The following HOMER2 variants were observed in gnomAD, a reference collection of about 807,000 sequenced individuals.
The protein encoded by HOMER2 is homer protein homolog 2.
A neutral mutation model predicts 47.0 loss-of-function variants in HOMER2; 27 were observed. The ratio of observed to expected loss-of-function variants is 0.57; its 90% confidence interval spans 0.42 to 0.79. HOMER2 has a LOEUF of 0.79. Ranked by LOEUF, HOMER2 falls within the 30% of genes least tolerant of loss-of-function variation. HOMER2 has a pLI of 0.00. For missense variants in HOMER2, 443 were observed against 435.0 expected, an observed-to-expected ratio of 1.02 and a Z score of -0.16; for synonymous variants, 161 against 163.8, an observed-to-expected ratio of 0.98 and a Z score of 0.13.
chr15:82,944,834 G>A (rs1355799134), intron 1 of HOMER2, among the ~76,000 whole-genome samples: 1 of 151,954 alleles, frequency 6.6e-6, no homozygotes, highest in Non-Finnish European at 1.5e-5. Context: ...TGGCTCACTG[G>A]GGGAATTCTC....
intron 1 of HOMER2, among the ~76,000 whole-genome samples, chr15:82,931,836 TCAAAAAACAAAACAAAACAAA>T (rs1397713291): frequency 6.6e-6 from 1 of 151,930 alleles, no homozygotes; most frequent in Non-Finnish European, 1.5e-5. Context: ...AGACTCCGTC[TCAAAAAACAAAACAAAACAAA>T]ACAAAACAAA....
chr15:82,963,406 A>G (rs2054647807), intron 1 of HOMER2, among the ~76,000 whole-genome samples: 1 of 152,120 alleles, frequency 6.6e-6, no homozygotes. Context: ...CTCTTCTGAA[A>G]TGACATGGAC....
At chr15:82,851,012 T>A in intron 8 of HOMER2, 139 bp downstream of exon 8, 2 of 665,504 alleles carry the variant, frequency 3.0e-6, no homozygotes, top group Non-Finnish European at 5.3e-6. Flanking sequence ...TGGCGTGCAG[T>A]CACTGCCAGC....
At chr15:82,857,388 A>C (rs2151617027) in intron 5 of HOMER2, among the ~76,000 whole-genome samples, 2 of 147,336 alleles carry the variant, frequency 1.4e-5, no homozygotes, top group South Asian at 4.4e-4. Flanking sequence ...TTGTTATAGC[A>C]GCCTGAGCTA....
rs148121837 is a variant in HOMER2, at chr15:82,881,984, G to A, written c.163-6580C>T. Among the ~76,000 whole-genome samples the A allele has an allele frequency of 5.6e-4, 85 of 152,344 alleles. No individual in the cohort carries two copies. The East Asian group carries it at 5.8e-3, about 10-fold the overall frequency. Reference sequence around the variant, plus strand: ...GTGATTAACTCAGTCTGGAAAGAGTGCCAACAGCACAATGAAATCAAGTGC... The same window carrying A: ...GTGATTAACTCAGTCTGGAAAGAGTACCAACAGCACAATGAAATCAAGTGC... On this transcript the variant is annotated intron_variant, in intron 2 of 8. Transcript: ENST00000450735.
upstream of HOMER2, among the ~76,000 whole-genome samples, chr15:82,956,818 T>TATA (rs1401085538): frequency 2.6e-5 from 4 of 152,076 alleles, no homozygotes; most frequent in East Asian, 7.7e-4. Context: ...AAAAGTTTAT[T>TATA]AGGATGGCAG....
intron 1 of HOMER2, among the ~76,000 whole-genome samples, chr15:82,896,510 A>C (rs1393722655): frequency 1.3e-5 from 2 of 152,216 alleles, no homozygotes; most frequent in African/African-American, 2.4e-5. Context: ...GGAAGAACAC[A>C]ATGGCTCACC....
At chr15:82,914,215 ACACACACACAC>A (rs2053522580) in intron 1 of HOMER2, among the ~76,000 whole-genome samples, 2 of 147,834 alleles carry the variant, frequency 1.4e-5, no homozygotes, top group African/African-American at 5.2e-5. Flanking sequence ...ACACACACAC[ACACACACACAC>A]AATTAGCCAG....
In HOMER2 at chr15:82,852,417, A is replaced by C. The variant is rs925614466; in HGVS notation, c.652-165T>G. 1.0e-5 allele frequency: 6 copies of C among 584,186 alleles called. No individual in the cohort carries two copies. The South Asian group carries it at 1.3e-4, about 13-fold the overall frequency. 36.2% of individuals were successfully genotyped at this position (584,186 alleles called of 1,614,324 possible). On this transcript the variant is annotated intron_variant, in intron 6 of 8. Transcript: ENST00000450735. ...TGAACAAACCCCATGCAGCTCCATC[A>C]TGGGGCTGCCTGCACCGCTTGCATG... is the stretch of plus-strand genomic sequence containing the variant.
chr15:82,863,726 C>T (rs1270448380), intron 4 of HOMER2, among the ~76,000 whole-genome samples: 2 of 152,204 alleles, frequency 1.3e-5, no homozygotes, highest in East Asian at 3.8e-4. Context: ...GCCGGATCTC[C>T]TCTGTTAAGA....
chr15:82,839,046 GC>G (rs1424973637), exon 2 of HOMER2: 5 of 151,930 alleles, frequency 3.3e-5, no homozygotes, highest in African/African-American at 1.2e-4. Flanking sequence ...GATCATTTGA[GC>G]CCAGGAGTCA....
At chr15:82,844,665 G>A (rs1362597626), downstream of HOMER2, 2 of 152,062 alleles carry the variant, frequency 1.3e-5, no homozygotes, top group Non-Finnish European at 2.9e-5. Flanking sequence ...TTTAAAAAAA[G>A]TATTATATTA....
Position 82,864,267 on chromosome 15 carries a change from T to A in HOMER2, c.295-8A>T, listed in dbSNP as rs769383004. ...CTGGAATTTCTCTGCAAACTGAACA[T>A]GAAGAATAGTTATTAAGGCTTTTAT... is the stretch of plus-strand genomic sequence containing the variant. On this transcript the variant is annotated splice_polypyrimidine_tract_variant and splice_region_variant and intron_variant, in intron 3 of 8. Transcript: ENST00000450735. The A allele has an allele frequency of 6.3e-7, 1 of 1,599,656 alleles. No individual in the cohort carries two copies. The highest frequency in any genetic ancestry group is 1.1e-5 in the South Asian group (1 of 90,174).
chr15:82,933,237 C>A (rs1480624972), intron 1 of HOMER2, among the ~76,000 whole-genome samples: 1 of 152,044 alleles, frequency 6.6e-6, no homozygotes, highest in South Asian at 2.1e-4. Flanking sequence ...CATTAAGAAC[C>A]CTTCCTTGAG....
At chr15:82,966,054 T>C (rs1009089250) in intron 1 of HOMER2, among the ~76,000 whole-genome samples, 2 of 152,154 alleles carry the variant, frequency 1.3e-5, no homozygotes, top group African/African-American at 2.4e-5. Context: ...TGAGCCAAGA[T>C]TGTGCCATTG....
At chr15:82,915,066 G>C (rs982175532) in intron 1 of HOMER2, among the ~76,000 whole-genome samples, 5 of 151,918 alleles carry the variant, frequency 3.3e-5, no homozygotes, top group Admixed American at 6.6e-5. Context: ...CCAGCTACTG[G>C]GGAGGCTGAG....
chr15:82,876,124 G>A (rs1477715241), intron 2 of HOMER2, among the ~76,000 whole-genome samples: 1 of 152,184 alleles, frequency 6.6e-6, no homozygotes, highest in Non-Finnish European at 1.5e-5. Flanking sequence ...CCTCACAGGA[G>A]TGGGGAACTG....
At chr15:82,917,920 G>A (rs1359116370) in intron 1 of HOMER2, among the ~76,000 whole-genome samples, 9 of 152,170 alleles carry the variant, frequency 5.9e-5, no homozygotes, top group Admixed American at 5.2e-4. Context: ...AGACAGGTGT[G>A]GGGGCCCCAA....
chr15:82,975,010 C>T (rs2030155510), intron 1 of HOMER2, among the ~76,000 whole-genome samples: 1 of 152,232 alleles, frequency 6.6e-6, no homozygotes, highest in African/African-American at 2.4e-5. Context: ...GCAGAGATTG[C>T]AGTGAGCCAA....
Sources: gnomAD v4.1 joint callset for allele counts (sites outside exome capture counted in the v4.1 genomes callset) on GRCh38, gnomAD v4.1.1 for gene constraint, MANE v1.5 for transcripts, NCBI Gene and HGNC (gene_info 2026-07-23, HGNC 2026-07-21) for gene names.